The following PPP3R1 variants were observed in gnomAD, a reference collection of about 807,000 sequenced individuals.
The protein encoded by PPP3R1 is protein phosphatase 3 regulatory subunit B, alpha.
Under a neutral mutation model 22.6 loss-of-function variants are expected in PPP3R1, and 5 were observed. The observed-to-expected ratio is 0.22, with a 90% CI of 0.12 to 0.46. The LOEUF is 0.46. PPP3R1 is among the 20% of genes least tolerant of loss of function. PPP3R1 has a pLI of 0.99. For missense variants in PPP3R1, 61 were observed against 203.2 expected, an observed-to-expected ratio of 0.30 and a Z score of 4.25; for synonymous variants, 56 against 65.2, an observed-to-expected ratio of 0.86 and a Z score of 0.68.
At chr2:68,188,955 C>G (rs966218377) in intron 2 of PPP3R1, among the ~76,000 whole-genome samples, 35 of 152,134 alleles carry the variant, frequency 2.3e-4, no homozygotes, top group Admixed American at 5.9e-4. Flanking sequence ...CATACATCCG[C>G]TGTATGCTGA....
Position 68,180,816 on chromosome 2 carries a change from G to C in PPP3R1, c.*147C>G. 1 of 746,546 alleles carries C rather than the reference G, an allele frequency of 1.3e-6. No individual in the cohort carries two copies. The highest frequency in any genetic ancestry group is 2.2e-6 in the Non-Finnish European group (1 of 451,194). 46.2% of individuals were successfully genotyped at this position (746,546 alleles called of 1,614,324 possible). A position where few individuals can be genotyped will look rare whatever the true frequency, so the allele number is the denominator to read the frequency against. On this transcript the variant is annotated 3_prime_UTR_variant, in exon 6 of 6. Transcript: ENST00000234310. Reference sequence around the variant, plus strand: ...ATTACAGTTCAATAACACTTAGTTGGCTTCATGAGGCTCATGTTGGAAAAT... The same window carrying C: ...ATTACAGTTCAATAACACTTAGTTGCCTTCATGAGGCTCATGTTGGAAAAT...
chr2:68,200,703 T>G (rs1674956576), intron 2 of PPP3R1, among the ~76,000 whole-genome samples: 1 of 152,198 alleles, frequency 6.6e-6, no homozygotes, highest in Non-Finnish European at 1.5e-5. Flanking sequence ...GCAAGGAGCC[T>G]TAGGCATCAT....
In PPP3R1 at chr2:68,217,164, A is replaced by C. The variant is rs746685719; in HGVS notation, c.4-33T>G. 1.3e-5 allele frequency: 19 copies of C among 1,490,160 alleles called. No individual in the cohort carries two copies. The African/African-American group carries it at 2.5e-4, about 20-fold the overall frequency. 92.3% of individuals were successfully genotyped at this position (1,490,160 alleles called of 1,614,324 possible). A position where few individuals can be genotyped will look rare whatever the true frequency, so the allele number is the denominator to read the frequency against. ...GAAAGAAAGAAATAATTAGTCATAA[A>C]ATAGGCACAAATTTGTTTAAAATAT... On this transcript the variant is annotated intron_variant, in intron 1 of 5. Transcript: ENST00000234310.
intron 2 of PPP3R1, among the ~76,000 whole-genome samples, chr2:68,189,231 CT>C (rs533508752): frequency 6.6e-6 from 1 of 152,136 alleles, no homozygotes; most frequent in Non-Finnish European, 1.5e-5. Flanking sequence ...TATCCATTTC[CT>C]TTCTCTGAAA....
intron 1 of PPP3R1, among the ~76,000 whole-genome samples, chr2:68,229,883 T>C (rs762243940): frequency 8.6e-5 from 13 of 151,870 alleles, no homozygotes; most frequent in African/African-American, 1.2e-4. Flanking sequence ...TGTATGTATG[T>C]GTGTATATAT....
intron 1 of PPP3R1, among the ~76,000 whole-genome samples, chr2:68,232,220 T>TATA (rs1372026473): frequency 0.048 from 1,500 of 31,478 alleles, 24 homozygotes; most frequent in African/African-American, 0.26. Flanking sequence ...TGTATATGTA[T>TATA]ATATGTGTGT....
At chr2:68,248,285 G>C (rs1303447526) in intron 1 of PPP3R1, among the ~76,000 whole-genome samples, 1 of 152,118 alleles carries the variant, frequency 6.6e-6, no homozygotes, top group Non-Finnish European at 1.5e-5. Context: ...CCCCAGTGTG[G>C]ATTAAGCCTC....
chr2:68,220,182 G>A (rs1482733873), intron 1 of PPP3R1, among the ~76,000 whole-genome samples: 3 of 152,180 alleles, frequency 2.0e-5, no homozygotes, highest in Admixed American at 6.5e-5. Context: ...CAGGAACAGA[G>A]AACAGAAACA....
chr2:68,217,321 T>C (rs1669599891), intron 1 of PPP3R1, among the ~76,000 whole-genome samples, 190 bp from the exon 2 acceptor site: 1 of 152,164 alleles, frequency 6.6e-6, no homozygotes, highest in South Asian at 2.1e-4. Flanking sequence ...AAAGAGTTCT[T>C]GAATCAAACT....
intron 1 of PPP3R1, among the ~76,000 whole-genome samples, chr2:68,230,005 CACACACAT>C (rs1282001070): frequency 8.1e-5 from 10 of 123,614 alleles, no homozygotes; most frequent in African/African-American, 1.3e-4. Flanking sequence ...CACACACACA[CACACACAT>C]ATATATTTGG....
chr2:68,204,394 G>C lies in PPP3R1; in HGVS notation c.43+12698C>G, dbSNP rs72894452. On this transcript the variant is annotated intron_variant, in intron 2 of 5. Coordinates refer to ENST00000234310, the MANE Select transcript of PPP3R1 (RefSeq NM_000945.4). Reference sequence around the variant, plus strand: ...AATACCTATGTCTTAGACAAATCTAGTCTTGCCTAGAATTATTCATGTAGA... The same window carrying C: ...AATACCTATGTCTTAGACAAATCTACTCTTGCCTAGAATTATTCATGTAGA... 4.6e-3 allele frequency among the ~76,000 whole-genome samples: 529 copies of C among 113,982 alleles called. 2 individuals are homozygous for C. Among genetic ancestry groups the C allele is most frequent in the African/African-American group, 0.02 (511 of 26,016 alleles). 74.8% of individuals were successfully genotyped at this position (113,982 alleles called of 152,430 possible). A position where few individuals can be genotyped will look rare whatever the true frequency, so the allele number is the denominator to read the frequency against.
chr2:68,225,248 G>A (rs1378771746), intron 1 of PPP3R1, among the ~76,000 whole-genome samples: 1 of 152,180 alleles, frequency 6.6e-6, no homozygotes, highest in Non-Finnish European at 1.5e-5. Flanking sequence ...TTATCCAGGT[G>A]GCCCTGACCT....
At chr2:68,211,885 CA>C (rs1484745097) in intron 2 of PPP3R1, among the ~76,000 whole-genome samples, 2 of 152,278 alleles carry the variant, frequency 1.3e-5, no homozygotes, top group African/African-American at 4.8e-5. Flanking sequence ...TTTCAGGCTC[CA>C]CTTCTAATTC....
At chr2:68,239,156 T>C (rs1315267027) in intron 1 of PPP3R1, among the ~76,000 whole-genome samples, 2 of 152,060 alleles carry the variant, frequency 1.3e-5, no homozygotes, top group African/African-American at 4.8e-5. Flanking sequence ...AAATAGCCAA[T>C]ATGAGTCAAG....
rs1409506163 is a variant in PPP3R1 at position 68,252,396 on chromosome 2, G to A, written c.-269C>T. On this transcript the variant is annotated 5_prime_UTR_variant, in exon 1 of 6. Coordinates refer to ENST00000234310, the MANE Select transcript of PPP3R1 (RefSeq NM_000945.4). Reference sequence around the variant, plus strand: ...CGGGAGGAGCAGCGGCGAGAGGCAGGAGAGGCAGAGAAGAAGAAAGGAGGG... The same window carrying A: ...CGGGAGGAGCAGCGGCGAGAGGCAGAAGAGGCAGAGAAGAAGAAAGGAGGG... 5 of 1,001,396 alleles carry A rather than the reference G, an allele frequency of 5.0e-6. No individual in the cohort carries two copies. The South Asian group carries it at 1.4e-4, about 28-fold the overall frequency. The allele number at this position is 1,001,396 out of a possible 1,614,324, so 62.0% of individuals were successfully genotyped here.
intron 5 of PPP3R1, among the ~76,000 whole-genome samples, chr2:68,184,291 A>C (rs1674484510): frequency 6.6e-6 from 1 of 152,196 alleles, no homozygotes; most frequent in Non-Finnish European, 1.5e-5. Context: ...CGGATTCTCC[A>C]TTATAACCCA....
intron 2 of PPP3R1, among the ~76,000 whole-genome samples, chr2:68,204,816 C>G (rs576782079): frequency 5.3e-5 from 8 of 152,180 alleles, no homozygotes; most frequent in Non-Finnish European, 8.8e-5. Context: ...TGTAATCCAG[C>G]TCTGAGCTCT....
intron 5 of PPP3R1, among the ~76,000 whole-genome samples, chr2:68,182,075 C>G (rs1437568935): frequency 1.9e-5 from 1 of 53,032 alleles, no homozygotes; most frequent in African/African-American, 1.3e-4. Context: ...CCTCCAACCC[C>G]CCCCTCCCCC....
At chr2:68,242,017 T>C (rs914834424) in intron 1 of PPP3R1, among the ~76,000 whole-genome samples, 5 of 152,202 alleles carry the variant, frequency 3.3e-5, no homozygotes, top group African/African-American at 1.2e-4. Context: ...CTCGTAGATA[T>C]TGTGAATGAA....
Sources: allele counts gnomAD v4.1 joint callset (sites outside exome capture counted in the v4.1 genomes callset), GRCh38; gene constraint gnomAD v4.1.1; transcripts MANE v1.5; gene names NCBI Gene and HGNC (gene_info 2026-07-23, HGNC 2026-07-21).